Variants in AHR observed in about 807,000 individuals in gnomAD.
The protein encoded by AHR is aryl hydrocarbon receptor.
Under a neutral mutation model 86.8 loss-of-function variants are expected in AHR, and 40 were observed. The observed-to-expected ratio is 0.46, with a 90% CI of 0.36 to 0.60. The LOEUF (loss-of-function observed/expected upper bound fraction) is 0.60. Ranked by LOEUF, AHR falls within the 20% of genes least tolerant of loss-of-function variation. The pLI is 0.00. For missense variants in AHR, 1,001 were observed against 1,011.6 expected (o/e 0.99, Z 0.14); for synonymous variants, 398 against 354.9 (o/e 1.12, Z -1.37).
intron 10 of AHR, among the ~76,000 whole-genome samples, chr7:17,341,768 A>T (rs1249202130): frequency 1.3e-5 from 2 of 152,210 alleles, no homozygotes; most frequent in African/African-American, 4.8e-5. Context: ...AAAAAGAAAC[A>T]GGTAAAATTA....
rs186183990 is a variant in AHR at position 17,345,614 on chromosome 7, T to A, written c.*2550T>A. 8 of 152,820 alleles carry A rather than the reference T, an allele frequency of 5.2e-5. No homozygotes were observed. Among genetic ancestry groups the A allele is most frequent in the Admixed American group, 4.6e-4 (7 of 15,302 alleles). The allele number at this position is 152,820 out of a possible 1,614,324, so 9.5% of individuals were successfully genotyped here. A position where few individuals can be genotyped will look rare whatever the true frequency, so the allele number is the denominator to read the frequency against. On this transcript the variant is annotated 3_prime_UTR_variant, in exon 11 of 11. Coordinates refer to ENST00000242057, the MANE Select transcript of AHR (RefSeq NM_001621.5). ...TTACTCTCTTCCACATGTTACTGGA[T>A]AAATTGTTTAGTGGAAAATAGGCTT...
Position 17,338,987 on chromosome 7 carries a change from G to C in AHR, c.1162G>C (p.Asp388His), listed in dbSNP as rs1782386133. 6.3e-7 allele frequency: 1 copy of C among 1,593,160 alleles called. No homozygotes were observed. The highest frequency in any genetic ancestry group is 8.6e-7 in the Non-Finnish European group (1 of 1,168,754). ...YIIVTQRPLT[D>H]EEGTEHLRKR... ...AGACTTTTTTGTACACAATTTTAGA[G>C]ATGAGGAAGGAACAGAGCATTTACG... Residue 388 changes from aspartate (D) to histidine (H), a missense_variant and splice_region_variant, in exon 10 of 11, where the codon GAT (aspartate) becomes CAT (histidine). By Grantham distance (81) the Asp-to-His change is moderately conservative. Around this residue, in one of 2 missense-constraint regions of AHR, gnomAD observed 394 missense variants for 468.5 expected, o/e 0.84. Transcript: ENST00000242057.
chr7:17,338,963 G>C (rs1403845495), intron 9 of AHR, 23 bp from the exon 10 acceptor site: 13 of 1,508,180 alleles, frequency 8.6e-6, no homozygotes, highest in Non-Finnish European at 1.2e-5. Context: ...TTTTTTCTAA[G>C]ACTTTTTTGT....
chr7:17,342,120 T>G (rs1782432429), intron 10 of AHR, among the ~76,000 whole-genome samples: 1 of 152,184 alleles, frequency 6.6e-6, no homozygotes, highest in African/African-American at 2.4e-5. Context: ...CAAAGGTAGA[T>G]TTTATTTGAA....
chr7:17,345,505 T>TA lies in AHR; in HGVS notation c.*2443dup. 6.5e-6 allele frequency: 1 copy of TA among 152,772 alleles called. No homozygotes were observed. The highest frequency in any genetic ancestry group is 2.4e-5 in the African/African-American group (1 of 41,548). 9.5% of individuals were successfully genotyped at this position (152,772 alleles called of 1,614,324 possible). On this transcript the variant is annotated 3_prime_UTR_variant, in exon 11 of 11. Coordinates refer to ENST00000242057, the MANE Select transcript of AHR (RefSeq NM_001621.5). ...TAATTTGTTTCCAGCATGAGGTATC[T>TA]AAGGATTTAGACCAGAGGTCTAGAT...
chr7:17,325,329 T>G (rs1782216987), intron 3 of AHR, among the ~76,000 whole-genome samples: 1 of 152,214 alleles, frequency 6.6e-6, no homozygotes, highest in Non-Finnish European at 1.5e-5. Flanking sequence ...TTCTGGCATG[T>G]ACACCAATGA....
chr7:17,320,066 A>T (rs981149387), intron 2 of AHR, among the ~76,000 whole-genome samples: 2 of 152,146 alleles, frequency 1.3e-5, no homozygotes, highest in Non-Finnish European at 2.9e-5. Context: ...TGTAGTAGTT[A>T]CACATATTAT....
intron 5 of AHR, among the ~76,000 whole-genome samples, 189 bp downstream of exon 5, chr7:17,330,264 G>T (rs537226926): frequency 2.6e-5 from 4 of 151,984 alleles, no homozygotes; most frequent in African/African-American, 9.6e-5. Flanking sequence ...TGGCAAATGA[G>T]AGCCATTTAA....
intron 6 of AHR, 36 bp downstream of exon 6, chr7:17,330,922 ATTG>A: frequency 6.3e-7 from 1 of 1,596,540 alleles, no homozygotes; most frequent in Non-Finnish European, 8.5e-7. Context: ...GGCTTTTACT[ATTG>A]TTACAATAAA....
At chr7:17,311,946 A>C (rs904377880) in intron 2 of AHR, among the ~76,000 whole-genome samples, 2 of 152,162 alleles carry the variant, frequency 1.3e-5, no homozygotes, top group African/African-American at 4.8e-5. Context: ...GTGGTTCTTA[A>C]AAGTGTAGTA....
chr7:17,334,236 A>C, intron 7 of AHR, 122 bp downstream of exon 7: 1 of 845,156 alleles, frequency 1.2e-6, no homozygotes, highest in Non-Finnish European at 1.8e-6. Context: ...CTATTATCGT[A>C]CATTCTTCCA....
chr7:17,335,522 T>C, intron 8 of AHR, 123 bp from the exon 9 acceptor site: 1 of 784,580 alleles, frequency 1.3e-6, no homozygotes, highest in Non-Finnish European at 1.9e-6. Flanking sequence ...TTGTTTAAAA[T>C]TTATTGTCTT....
At chr7:17,332,934 T>C (rs1289178383) in intron 6 of AHR, among the ~76,000 whole-genome samples, 1 of 152,006 alleles carries the variant, frequency 6.6e-6, no homozygotes, top group African/African-American at 2.4e-5. Context: ...AGTGCTCTTA[T>C]ACAGGTATAC....
chr7:17,322,825 T>C (rs574730619), intron 3 of AHR, among the ~76,000 whole-genome samples: 1 of 152,204 alleles, frequency 6.6e-6, no homozygotes, highest in African/African-American at 2.4e-5. Flanking sequence ...AGACCACATA[T>C]GCGACAGTGG....
intron 2 of AHR, among the ~76,000 whole-genome samples, chr7:17,312,745 T>C (rs1221808512): frequency 6.6e-6 from 1 of 152,234 alleles, no homozygotes; most frequent in Non-Finnish European, 1.5e-5. Flanking sequence ...GCATGATTCC[T>C]TCATCAACTA....
At chr7:17,326,635 T>C (rs928479527) in intron 3 of AHR, among the ~76,000 whole-genome samples, 1 of 152,186 alleles carries the variant, frequency 6.6e-6, no homozygotes, top group Non-Finnish European at 1.5e-5. Flanking sequence ...TTAGGTGGGA[T>C]ATCGTCATTA....
chr7:17,325,326 A>T (rs574948814), intron 3 of AHR, among the ~76,000 whole-genome samples: 2 of 152,208 alleles, frequency 1.3e-5, no homozygotes, highest in African/African-American at 2.4e-5. Flanking sequence ...GTCTTCTGGC[A>T]TGTACACCAA....
rs140700297 is a variant in AHR at position 17,338,580 on chromosome 7, T to G, written c.1161-406T>G. Among the ~76,000 whole-genome samples, 120 of 152,224 alleles carry G rather than the reference T, an allele frequency of 7.9e-4. No individual in the cohort carries two copies. In the East Asian group the frequency reaches 0.02, roughly 26 times the overall value. ...CATGTTGCCCAGGTTTGTCTCAAAA[T>G]CCTGGGCTCAAGCAATTCACACACA... On this transcript the variant is annotated intron_variant, in intron 9 of 10. Coordinates refer to ENST00000242057, the MANE Select transcript of AHR (RefSeq NM_001621.5).
At position 17,299,346 on chromosome 7, in the gene AHR, C is replaced by T; in HGVS notation, c.65+17C>T. The T allele has an allele frequency of 1.9e-6, 3 of 1,610,850 alleles. No homozygotes were observed. The highest frequency in any genetic ancestry group is 8.5e-7 in the Non-Finnish European group (1 of 1,179,020). Reference sequence around the variant, plus strand: ...GCAGAAAACGTGAGTGTCCCGAGCGCGTCCTCATCGCGGGGGCTGGGCGCT... The same window carrying T: ...GCAGAAAACGTGAGTGTCCCGAGCGTGTCCTCATCGCGGGGGCTGGGCGCT... On this transcript the variant is annotated intron_variant, in intron 1 of 10. Coordinates refer to ENST00000242057, the MANE Select transcript of AHR (RefSeq NM_001621.5).
Sources: gnomAD v4.1 joint callset for allele counts (sites outside exome capture counted in the v4.1 genomes callset) on GRCh38, gnomAD v4.1.1 for gene constraint, gnomAD v4.1.1 regional missense constraint, MANE v1.5 for transcripts, NCBI Gene and HGNC (gene_info 2026-07-23, HGNC 2026-07-21) for gene names.